Variants in CEMIP2 observed in about 807,000 individuals in gnomAD.
CEMIP2 encodes the protein cell migration inducing hyaluronidase 2.
CEMIP2 carries 79 observed loss-of-function variants against 146.9 expected under a neutral mutation model. The observed-to-expected ratio is 0.54, with a 90% CI of 0.45 to 0.65. CEMIP2 has a LOEUF of 0.65. CEMIP2 is among the 30% of genes least tolerant of loss of function. CEMIP2 has a pLI of 0.00. For missense variants in CEMIP2, 1,596 were observed against 1,696.2 expected, an observed-to-expected ratio of 0.94 and a Z score of 1.04; for synonymous variants, 601 against 606.3, an observed-to-expected ratio of 0.99 and a Z score of 0.13.
intron 1 of CEMIP2, among the ~76,000 whole-genome samples, chr9:71,761,697 G>T (rs964396461): frequency 2.6e-5 from 4 of 152,142 alleles, no homozygotes; most frequent in Admixed American, 6.5e-5. Context: ...AGACACTGGA[G>T]ACCCAATAGT....
At chr9:71,743,394 T>C (rs62549283) in intron 4 of CEMIP2, among the ~76,000 whole-genome samples, 10,755 of 152,258 alleles carry the variant, frequency 0.071, 543 homozygotes, top group South Asian at 0.19. Context: ...ATTGTTATTT[T>C]TGGCACTTTT....
At chr9:71,754,582 T>C (rs906478374) in intron 1 of CEMIP2, among the ~76,000 whole-genome samples, 1 of 152,212 alleles carries the variant, frequency 6.6e-6, no homozygotes, top group Admixed American at 6.5e-5. Context: ...CTACAGACTG[T>C]GACAACACCT....
chr9:71,744,332 A>G (rs924990484), intron 4 of CEMIP2, among the ~76,000 whole-genome samples: 2 of 152,078 alleles, frequency 1.3e-5, no homozygotes, highest in Non-Finnish European at 2.9e-5. Flanking sequence ...ATACGATTGT[A>G]CCACTGCACT....
rs77085527 is a variant in CEMIP2, at chr9:71,704,981, A to C, written c.2986-178T>G. ...GCCACTTATAGTGCAGCCTACTTAA[A>C]CTAGAAATGGTAAAAACAGACCATG... On this transcript the variant is annotated intron_variant, in intron 17 of 23. Transcript: ENST00000377044. 1,510 of 602,572 alleles carry C rather than the reference A, an allele frequency of 2.5e-3. 22 individuals are homozygous for C. The African/African-American group carries it at 0.025, about 10-fold the overall frequency. The allele number at this position is 602,572 out of a possible 1,614,324, so 37.3% of individuals were successfully genotyped here.
Position 71,751,995 on chromosome 9 carries a change from A to C in CEMIP2, c.-12-1610T>G, listed in dbSNP as rs1021046111. ...ATGGTTAAGATTATAAAAATAGCTAACACAATTAGTGCCTTATGTGTATTA... is the reference window on the plus strand; with the variant it reads ...ATGGTTAAGATTATAAAAATAGCTACCACAATTAGTGCCTTATGTGTATTA... On this transcript the variant is annotated intron_variant, in intron 1 of 23. Coordinates refer to ENST00000377044, the MANE Select transcript of CEMIP2 (RefSeq NM_013390.3). 4.6e-5 allele frequency among the ~76,000 whole-genome samples: 7 copies of C among 152,204 alleles called. No homozygotes were observed. The East Asian group carries it at 1.3e-3, about 29-fold the overall frequency.
chr9:71,696,019 C>T (rs1445823273), intron 20 of CEMIP2, among the ~76,000 whole-genome samples: 1 of 152,164 alleles, frequency 6.6e-6, no homozygotes, highest in Non-Finnish European at 1.5e-5. Flanking sequence ...ACTTCAACTA[C>T]TTTGCAACTG....
At chr9:71,730,590 G>A in intron 8 of CEMIP2, 115 bp downstream of exon 8, 1 of 1,120,768 alleles carries the variant, frequency 8.9e-7, no homozygotes, top group Non-Finnish European at 1.3e-6. Context: ...GAAAAGGCAG[G>A]ATAGAGCAAG....
chr9:71,712,185 CA>C lies in CEMIP2; in HGVS notation c.2666del (p.Val889GlyfsTer15). The C allele has an allele frequency of 6.2e-7, 1 of 1,614,136 alleles. No individual in the cohort carries two copies. Among genetic ancestry groups the C allele is most frequent in the Non-Finnish European group, 8.5e-7 (1 of 1,180,006 alleles). On this transcript the variant is annotated frameshift_variant, in exon 16 of 24. Coordinates refer to ENST00000377044, the MANE Select transcript of CEMIP2 (RefSeq NM_013390.3). LOFTEE classifies it high-confidence loss of function. ...CACTGCTGTACCTATCTGGAGTTGG[CA>C]CATATTTTTTGAAAGTGCTCCTTGT... ...HLTRSTFKKYVPTPDRYSSAI... is the reference protein window; with the variant it reads ...HLTRSTFKKYXPTPDRYSSAI...
chr9:71,702,113 C>T (rs1041568940), intron 18 of CEMIP2, among the ~76,000 whole-genome samples: 9 of 151,952 alleles, frequency 5.9e-5, no homozygotes, highest in African/African-American at 1.9e-4. Context: ...CAAAAATTAG[C>T]TGGGTGTGGT....
At chr9:71,734,036 T>C (rs62547051) in intron 6 of CEMIP2, among the ~76,000 whole-genome samples, 10,717 of 151,978 alleles carry the variant, frequency 0.071, 540 homozygotes, top group South Asian at 0.19. Context: ...TTAGTAGAGA[T>C]GGGGTTTCAC....
At position 71,685,655 on chromosome 9, in the gene CEMIP2, T is replaced by C. The variant is rs1822038723; in HGVS notation, c.3955+88A>G. 2.7e-6 allele frequency: 3 copies of C among 1,122,762 alleles called. No homozygotes were observed. In the African/African-American group the frequency reaches 4.7e-5, roughly 17 times the overall value. 69.5% of individuals were successfully genotyped at this position (1,122,762 alleles called of 1,614,324 possible). A position where few individuals can be genotyped will look rare whatever the true frequency, so the allele number is the denominator to read the frequency against. On this transcript the variant is annotated intron_variant, in intron 23 of 23. Transcript: ENST00000377044. ...ATACCCACTCCAGCAAACAAGCTCA[T>C]GAAAATGGTCTGGTAGCTGAATTGC... is the stretch of plus-strand genomic sequence containing the variant.
At chr9:71,764,574 T>C (rs1200015520) in intron 1 of CEMIP2, among the ~76,000 whole-genome samples, 1 of 152,180 alleles carries the variant, frequency 6.6e-6, no homozygotes, top group Non-Finnish European at 1.5e-5. Flanking sequence ...TCAAGCGACA[T>C]GCTAAGATTC....
At chr9:71,719,614 A>G (rs1211843995) in intron 12 of CEMIP2, among the ~76,000 whole-genome samples, 1 of 152,146 alleles carries the variant, frequency 6.6e-6, no homozygotes, top group African/African-American at 2.4e-5. Flanking sequence ...TGTGTGGTAT[A>G]AACTGGGGTA....
intron 1 of CEMIP2, among the ~76,000 whole-genome samples, chr9:71,757,731 A>T (rs1430408125): frequency 6.6e-6 from 1 of 152,208 alleles, no homozygotes; most frequent in African/African-American, 2.4e-5. Flanking sequence ...ATCACCATTT[A>T]GATCTTCTGG....
chr9:71,690,291 A>C (rs1822191564), intron 21 of CEMIP2, 45 bp from the exon 22 acceptor site: 6 of 1,597,546 alleles, frequency 3.8e-6, no homozygotes, highest in Non-Finnish European at 5.1e-6. Flanking sequence ...CATTTTGAGA[A>C]CATCTGCAGG....
At chr9:71,713,958 G>A (rs1278159310) in intron 15 of CEMIP2, among the ~76,000 whole-genome samples, 1 of 151,650 alleles carries the variant, frequency 6.6e-6, no homozygotes, top group East Asian at 1.9e-4. Flanking sequence ...GGGCTAACAC[G>A]AGTTCCACAC....
chr9:71,704,401 T>A, intron 18 of CEMIP2, 194 bp downstream of exon 18: 1 of 615,566 alleles, frequency 1.6e-6, no homozygotes, highest in South Asian at 2.0e-5. Context: ...AAAAAAAAGC[T>A]TTTGAAATGA....
Position 71,714,969 on chromosome 9 carries a change from T to TC in CEMIP2, c.2555dup (p.Ile853AsnfsTer17). 1 of 1,613,940 alleles carries TC rather than the reference T, an allele frequency of 6.2e-7. No homozygotes were observed. The highest frequency in any genetic ancestry group is 8.5e-7 in the Non-Finnish European group (1 of 1,179,920). On this transcript the variant is annotated frameshift_variant, in exon 15 of 24. Transcript: ENST00000377044. LOFTEE classifies it high-confidence loss of function. Reference sequence around the variant, plus strand: ...GTAATGTTCGAGGCTTCTGGTCTATTCCTCCAGTGCCTACATACTTGTTCT... The same window carrying TC: ...GTAATGTTCGAGGCTTCTGGTCTATTCCCTCCAGTGCCTACATACTTGTTCT...
Position 71,685,405 on chromosome 9 carries a change from A to AG in CEMIP2, c.3956-13_3956-12insC, listed in dbSNP as rs1563989194. 2 of 1,496,314 alleles carry AG rather than the reference A, an allele frequency of 1.3e-6. No individual in the cohort carries two copies. The highest frequency in any genetic ancestry group is 2.3e-5 in the Admixed American group (1 of 42,660). The allele number at this position is 1,496,314 out of a possible 1,614,324, so 92.7% of individuals were successfully genotyped here. ...AAATATGGTACTCCCTAAAAAAAAA[A>AG]AAAAAAAAGAAAAAGAAAAAAAATC... is the stretch of plus-strand genomic sequence containing the variant. On this transcript the variant is annotated splice_polypyrimidine_tract_variant and intron_variant, in intron 23 of 23. Transcript: ENST00000377044.
Sources: gnomAD v4.1 joint callset for allele counts (sites outside exome capture counted in the v4.1 genomes callset) on GRCh38, gnomAD v4.1.1 for gene constraint, MANE v1.5 for transcripts, NCBI Gene and HGNC (gene_info 2026-07-23, HGNC 2026-07-21) for gene names.